Variants in SCLT1 observed in about 807,000 individuals in gnomAD.
SCLT1 encodes the protein sodium channel-associated protein 1.
SCLT1 carries 78 observed loss-of-function variants against 112.8 expected under a neutral mutation model. The ratio of observed to expected loss-of-function variants is 0.69; its 90% CI spans 0.58 to 0.83. SCLT1 has a LOEUF of 0.83. SCLT1 is among the 40% of genes least tolerant of loss of function. SCLT1 has a pLI of 0.00. For missense variants in SCLT1, 747 were observed against 770.4 expected, an observed-to-expected ratio of 0.97 and a Z score of 0.36; for synonymous variants, 257 against 254.7, an observed-to-expected ratio of 1.01 and a Z score of -0.09.
chr4:128,885,528 TA>T (rs1407448423), intron 20 of SCLT1, among the ~76,000 whole-genome samples: 2 of 152,214 alleles, frequency 1.3e-5, no homozygotes, highest in Non-Finnish European at 2.9e-5. Flanking sequence ...TTCCTCTTAA[TA>T]GCTGCAAACT....
intron 5 of SCLT1, among the ~76,000 whole-genome samples, chr4:129,006,336 G>C (rs1252118444): frequency 1.3e-5 from 2 of 151,872 alleles, no homozygotes; most frequent in Non-Finnish European, 2.9e-5. Flanking sequence ...TCAGGAGTTC[G>C]AGACCAGCCT....
intron 4 of SCLT1, among the ~76,000 whole-genome samples, chr4:129,040,994 T>A (rs1488782796): frequency 6.6e-6 from 1 of 152,288 alleles, no homozygotes; most frequent in East Asian, 1.9e-4. Flanking sequence ...AACATCTTAG[T>A]AAAATGGCTG....
rs559165606 is a variant in SCLT1, at chr4:129,025,175, T to C, written c.290+13866A>G. Among the ~76,000 whole-genome samples, 28 of 152,162 alleles carry C rather than the reference T, an allele frequency of 1.8e-4. 1 individual carries two copies. In the South Asian group the frequency reaches 5.8e-3, roughly 32 times the overall value. ...CCCAATCTAGCAAGGCAGGCCAACA[T>C]TCACATTCAGGAAATACAGAGAACA... On this transcript the variant is annotated intron_variant, in intron 5 of 20. Transcript: ENST00000281142.
chr4:128,937,455 A>G (rs1223082054), intron 17 of SCLT1, among the ~76,000 whole-genome samples: 1 of 152,202 alleles, frequency 6.6e-6, no homozygotes, highest in Non-Finnish European at 1.5e-5. Context: ...TTATTATAAC[A>G]TAACACTTCT....
intron 18 of SCLT1, among the ~76,000 whole-genome samples, chr4:128,916,650 A>G (rs557492358): frequency 2.2e-4 from 33 of 152,312 alleles, no homozygotes; most frequent in African/African-American, 7.7e-4. Flanking sequence ...TGTTTTGAAG[A>G]TTTCAGCCAA....
intron 10 of SCLT1, among the ~76,000 whole-genome samples, chr4:128,968,905 C>T (rs1268383479): frequency 6.6e-6 from 1 of 152,182 alleles, no homozygotes; most frequent in African/African-American, 2.4e-5. Context: ...GGCTCATCAT[C>T]TTTGTGGTTC....
At chr4:129,061,187 A>G (rs1234946036) in intron 2 of SCLT1, among the ~76,000 whole-genome samples, 1 of 152,012 alleles carries the variant, frequency 6.6e-6, no homozygotes, top group East Asian at 1.9e-4. Flanking sequence ...CTAGGATGGT[A>G]AGGCTTATCT....
At chr4:129,033,502 T>TAAAAAAAAAAAAAAAAAC (rs1746922524) in intron 5 of SCLT1, among the ~76,000 whole-genome samples, 1 of 44,300 alleles carries the variant, frequency 2.3e-5, no homozygotes, top group Non-Finnish European at 4.2e-5. Context: ...GAACTTAAAG[T>TAAAAAAAAAAAAAAAAAC]AAAAAAAAAA....
At chr4:128,928,035 T>C (rs991278919) in intron 18 of SCLT1, among the ~76,000 whole-genome samples, 2 of 151,944 alleles carry the variant, frequency 1.3e-5, no homozygotes, top group Non-Finnish European at 2.9e-5. Flanking sequence ...TTACCAAAAC[T>C]ATGTCAATGA....
chr4:129,074,698 C>T (rs919469010), intron 2 of SCLT1, among the ~76,000 whole-genome samples: 1 of 152,022 alleles, frequency 6.6e-6, no homozygotes, highest in South Asian at 2.1e-4. Context: ...TAATTAATTT[C>T]TATTTATCTT....
At chr4:129,054,191 T>G (rs1466666206) in intron 2 of SCLT1, among the ~76,000 whole-genome samples, 2 of 152,144 alleles carry the variant, frequency 1.3e-5, no homozygotes, top group African/African-American at 4.8e-5. Context: ...ATATTTTCCT[T>G]CATTTCAACC....
At chr4:129,049,661 T>G (rs2125709172) in intron 2 of SCLT1, among the ~76,000 whole-genome samples, 1 of 151,982 alleles carries the variant, frequency 6.6e-6, no homozygotes, top group African/African-American at 2.4e-5. Flanking sequence ...GATTTATTTT[T>G]GGCATATGGA....
At chr4:129,091,630 GTTATTGTGTCA>G (rs1579990526) in intron 1 of SCLT1, among the ~76,000 whole-genome samples, 1 of 152,072 alleles carries the variant, frequency 6.6e-6, no homozygotes, top group Non-Finnish European at 1.5e-5. Flanking sequence ...TAATGCTAAT[GTTATTGTGTCA>G]TTATAGTGTC....
intron 17 of SCLT1, among the ~76,000 whole-genome samples, chr4:128,937,473 T>G (rs1338318261): frequency 1.3e-5 from 2 of 152,182 alleles, no homozygotes; most frequent in Non-Finnish European, 2.9e-5. Context: ...TCTCTCTTTA[T>G]TTACTCTGAT....
chr4:129,087,060 C>A (rs1404241795), intron 1 of SCLT1, among the ~76,000 whole-genome samples: 1 of 152,112 alleles, frequency 6.6e-6, no homozygotes, highest in African/African-American at 2.4e-5. Context: ...ACTTAAGAGA[C>A]TTTCCAGGGC....
intron 4 of SCLT1, among the ~76,000 whole-genome samples, chr4:128,875,698 G>C (rs995127240): frequency 5.3e-5 from 8 of 152,140 alleles, no homozygotes; most frequent in African/African-American, 1.9e-4. Context: ...GCATATATTA[G>C]GCATTTAGTA....
intron 1 of SCLT1, among the ~76,000 whole-genome samples, chr4:129,086,912 G>C (rs1235716325): frequency 6.6e-6 from 1 of 152,024 alleles, no homozygotes; most frequent in African/African-American, 2.4e-5. Context: ...GAAATAACAT[G>C]GACCACTTTT....
chr4:128,916,327 A>C (rs369036049), intron 18 of SCLT1, among the ~76,000 whole-genome samples: 1 of 152,238 alleles, frequency 6.6e-6, no homozygotes, highest in South Asian at 2.1e-4. Context: ...TTAATAGTCT[A>C]CATGTTATTT....
At chr4:129,060,613 T>TCAGCA (rs1312813662) in intron 2 of SCLT1, among the ~76,000 whole-genome samples, 3 of 152,138 alleles carry the variant, frequency 2.0e-5, no homozygotes, top group Non-Finnish European at 2.9e-5. Context: ...GCAGTAACTG[T>TCAGCA]GGGTTTCTTA....
Sources: gnomAD v4.1 joint callset for allele counts (sites outside exome capture counted in the v4.1 genomes callset) on GRCh38, gnomAD v4.1.1 for gene constraint, MANE v1.5 for transcripts, NCBI Gene and HGNC (gene_info 2026-07-23, HGNC 2026-07-21) for gene names.